TESC: variants seen among roughly 807,000 people sequenced by gnomAD.
TESC encodes tescalcin, also known as calcineurin B homologous protein 3.
TESC carries 19 observed loss-of-function variants against 31.0 expected under a neutral mutation model. The observed-to-expected ratio is 0.61, with a 90% CI of 0.43 to 0.90. The LOEUF (loss-of-function observed/expected upper bound fraction) is 0.90. Among genes scored for constraint, TESC ranks in the 40% least tolerant of loss-of-function variants. The pLI is 0.00. For synonymous variants in TESC, 109 were observed against 114.8 expected (o/e 0.95, Z 0.32); for missense variants, 248 against 303.8 (o/e 0.82, Z 1.36).
At chr12:117,097,042 CTG>C (rs1955405722) in intron 1 of TESC, among the ~76,000 whole-genome samples, 2 of 152,208 alleles carry the variant, frequency 1.3e-5, no homozygotes, top group African/African-American at 4.8e-5. Flanking sequence ...GTTTTGTTTA[CTG>C]TGTGTCCCCC....
chr12:117,040,926 C>T (rs957201844), intron 7 of TESC, among the ~76,000 whole-genome samples: 1 of 151,294 alleles, frequency 6.6e-6, no homozygotes, highest in Non-Finnish European at 1.5e-5. Context: ...AATCCTCTCT[C>T]CTCTCTTGGT....
intron 1 of TESC, among the ~76,000 whole-genome samples, chr12:117,083,709 G>A (rs1282522874): frequency 6.6e-6 from 1 of 152,220 alleles, no homozygotes; most frequent in African/African-American, 2.4e-5. Flanking sequence ...GAGAAATGAA[G>A]TAGATTGATG....
At position 117,072,254 on chromosome 12, in the gene TESC, G is replaced by C. The variant is rs147835436; in HGVS notation, c.128+3017C>G. 1.8e-3 allele frequency among the ~76,000 whole-genome samples: 267 copies of C among 152,226 alleles called. 1 individual carries two copies. The highest frequency in any genetic ancestry group is 6.2e-3 in the African/African-American group (257 of 41,526). On this transcript the variant is annotated intron_variant, in intron 2 of 7. Transcript: ENST00000335209. The stretch of plus-strand genomic sequence containing the variant: ...ACCCAGCTTAGAGCTAAACTGCCCT[G>C]CTTGCACCTGCTTTTTTTTCCCCCT...
At chr12:117,095,705 C>A (rs995439701) in intron 1 of TESC, among the ~76,000 whole-genome samples, 2 of 152,024 alleles carry the variant, frequency 1.3e-5, no homozygotes, top group Non-Finnish European at 2.9e-5. Flanking sequence ...CATGGCAAGA[C>A]CCCTGTCTCT....
chr12:117,083,148 C>T (rs11613558), intron 1 of TESC, among the ~76,000 whole-genome samples: 6,712 of 151,884 alleles, frequency 0.044, 219 homozygotes, highest in Non-Finnish European at 0.068. Context: ...TACAGTGGCA[C>T]AACCTTAGCT....
At position 117,099,359 on chromosome 12, in the gene TESC, T is replaced by G. The variant is rs1565980197; in HGVS notation, c.-77A>C. 1 of 1,305,726 alleles carries G rather than the reference T, an allele frequency of 7.7e-7. No homozygotes were observed. The highest frequency in any genetic ancestry group is 9.8e-7 in the Non-Finnish European group (1 of 1,022,218). The allele number at this position is 1,305,726 out of a possible 1,614,324, so 80.9% of individuals were successfully genotyped here. A position where few individuals can be genotyped will look rare whatever the true frequency, so the allele number is the denominator to read the frequency against. Reference sequence around the variant, plus strand: ...GGCTTCGGCTGCGCAGCGGCGGGACTGGCCTCGGGTCCGGCCTCGGGTCGG... The same window carrying G: ...GGCTTCGGCTGCGCAGCGGCGGGACGGGCCTCGGGTCCGGCCTCGGGTCGG... On this transcript the variant is annotated 5_prime_UTR_variant, in exon 1 of 8. Transcript: ENST00000335209.
Position 117,041,991 on chromosome 12 carries a change from G to A in TESC, c.523C>T (p.Pro175Ser). Residue 175 changes from proline (P) to serine (S), a missense_variant, in exon 7 of 8, where the codon CCT becomes TCT. Transcript: ENST00000335209. Reference protein sequence around the residue: ...AASVCMGQMEPDQVYEGITFE... With the variant: ...AASVCMGQMESDQVYEGITFE... ...GTGATCCCCTCGTACACCTGATCAG[G>A]CTCCTGGGGACGGAAGCACAGGGTG... is the stretch of plus-strand genomic sequence containing the variant. 10 of 1,595,050 alleles carry A rather than the reference G, an allele frequency of 6.3e-6. No individual in the cohort carries two copies. The highest frequency in any genetic ancestry group is 1.1e-5 in the South Asian group (1 of 87,570).
chr12:117,067,751 C>T (rs1044983976), intron 2 of TESC, among the ~76,000 whole-genome samples: 3 of 152,192 alleles, frequency 2.0e-5, no homozygotes, highest in Non-Finnish European at 4.4e-5. Context: ...TTAACCTCTT[C>T]AGCCTCAGTT....
chr12:117,060,072 A>C (rs1046836647), intron 2 of TESC, among the ~76,000 whole-genome samples: 7 of 152,204 alleles, frequency 4.6e-5, no homozygotes, highest in African/African-American at 1.7e-4. Flanking sequence ...GGTGATGGCT[A>C]ACGGGTGCAG....
In TESC at chr12:117,069,294, C is replaced by G. The variant is rs1367385762; in HGVS notation, c.128+5977G>C. On this transcript the variant is annotated intron_variant, in intron 2 of 7. Coordinates refer to ENST00000335209, the MANE Select transcript of TESC (RefSeq NM_017899.4). ...TCGCTCTGTCACCCAGGCTGCAGTGCAGTGTCATGATCTCAGCTCATTGCG... is the reference window on the plus strand; with the variant it reads ...TCGCTCTGTCACCCAGGCTGCAGTGGAGTGTCATGATCTCAGCTCATTGCG... Among the ~76,000 whole-genome samples the G allele has an allele frequency of 2.6e-5, 4 of 152,102 alleles. No homozygotes were observed. In the East Asian group the frequency reaches 5.8e-4, roughly 22 times the overall value.
At chr12:117,051,813 C>A (rs11068304) in intron 3 of TESC, among the ~76,000 whole-genome samples, 4,562 of 152,246 alleles carry the variant, frequency 0.03, 183 homozygotes, top group South Asian at 0.12. Context: ...CGAGTGCTCC[C>A]GCAGGTCTGA....
chr12:117,040,951 A>T (rs374818828), intron 7 of TESC, among the ~76,000 whole-genome samples: 196 of 124,098 alleles, frequency 1.6e-3, no homozygotes, highest in African/African-American at 6.3e-3. Flanking sequence ...TGCTCCCCTG[A>T]CTTCCTTGTC....
At chr12:117,075,895 A>ATATATATATATGTGTG (rs1955057923) in intron 1 of TESC, among the ~76,000 whole-genome samples, 2 of 83,054 alleles carry the variant, frequency 2.4e-5, no homozygotes, top group African/African-American at 1.4e-4. Context: ...ATATATATAT[A>ATATATATATATGTGTG]TATATATATA....
At chr12:117,074,234 G>T (rs2135783547) in intron 2 of TESC, among the ~76,000 whole-genome samples, 1 of 152,124 alleles carries the variant, frequency 6.6e-6, no homozygotes. Flanking sequence ...TGGGTGTGAT[G>T]GCACATGCCT....
chr12:117,042,277 C>T (rs1448751222), intron 6 of TESC, among the ~76,000 whole-genome samples: 4 of 152,030 alleles, frequency 2.6e-5, no homozygotes, highest in African/African-American at 9.7e-5. Flanking sequence ...AGAGCAGCCT[C>T]CCTCCCCTCC....
At chr12:117,089,372 G>A (rs12301568) in intron 1 of TESC, among the ~76,000 whole-genome samples, 34,515 of 152,036 alleles carry the variant, frequency 0.23, 4,717 homozygotes, top group African/African-American at 0.39. Context: ...GCCAAGGGGA[G>A]TTGGGAAAAA....
chr12:117,075,901 ATATATATATATATG>A lies in TESC; in HGVS notation c.59-575_59-562del, dbSNP rs1419333247. Among the ~76,000 whole-genome samples the A allele has an allele frequency of 8.0e-4, 69 of 86,096 alleles. 6 individuals carry two copies. Among genetic ancestry groups the A allele is most frequent in the African/African-American group, 4.8e-3 (64 of 13,254 alleles). The allele number at this position is 86,096 out of a possible 152,430, so 56.5% of individuals were successfully genotyped here. On this transcript the variant is annotated intron_variant, in intron 1 of 7. Coordinates refer to ENST00000335209, the MANE Select transcript of TESC (RefSeq NM_017899.4). Reference sequence around the variant, plus strand: ...TATATATATATATATATATATATATATATATATATATATGTGTGTGTGTATATATATATATATAT... The same window carrying A: ...TATATATATATATATATATATATATATGTGTGTGTATATATATATATATAT...
Position 117,046,555 on chromosome 12 carries a change from T to C in TESC, c.519+4A>G. ...CGTCTCGGGAGGGCTGCAGGGGCGC[T>C]CACCATCTGCCCCATGCACACGCTG... On this transcript the variant is annotated splice_donor_region_variant and intron_variant, in intron 6 of 7. Coordinates refer to ENST00000335209, the MANE Select transcript of TESC (RefSeq NM_017899.4). 6.5e-7 allele frequency: 1 copy of C among 1,547,900 alleles called. No individual in the cohort carries two copies. Among genetic ancestry groups the C allele is most frequent in the Non-Finnish European group, 8.7e-7 (1 of 1,145,052 alleles).
intron 2 of TESC, among the ~76,000 whole-genome samples, chr12:117,058,353 C>T (rs999826287): frequency 2.6e-5 from 4 of 151,848 alleles, no homozygotes; most frequent in South Asian, 2.1e-4. Flanking sequence ...AAATACACCG[C>T]GGTAGAAAGC....
Sources: gnomAD v4.1 joint callset for allele counts (sites outside exome capture counted in the v4.1 genomes callset) on GRCh38, gnomAD v4.1.1 for gene constraint, MANE v1.5 for transcripts, NCBI Gene and HGNC (gene_info 2026-07-23, HGNC 2026-07-21) for gene names.